Variants in LCORL observed in about 807,000 individuals in gnomAD.
LCORL encodes the protein ligand-dependent nuclear receptor corepressor-like protein.
In LCORL, 41 loss-of-function variants were observed where a neutral mutation model predicts 141.8. The ratio of observed to expected loss-of-function variants is 0.29; its 90% CI spans 0.23 to 0.38. The LOEUF (loss-of-function observed/expected upper bound fraction) is 0.38. Among genes scored for constraint, LCORL ranks in the 10% least tolerant of loss-of-function variants. The pLI, the probability that LCORL is intolerant of heterozygous loss-of-function variation, is 1.00. For synonymous variants in LCORL, 618 were observed against 694.1 expected, an observed-to-expected ratio of 0.89 and a Z score of 1.72; for missense variants, 1,759 against 2,035.0, an observed-to-expected ratio of 0.86 and a Z score of 2.61.
intron 1 of LCORL, among the ~76,000 whole-genome samples, chr4:18,007,995 C>A (rs528933940): frequency 6.6e-6 from 1 of 152,180 alleles, no homozygotes; most frequent in African/African-American, 2.4e-5. Context: ...CAAGAAACTA[C>A]TTTTCCATAC....
intron 7 of LCORL, among the ~76,000 whole-genome samples, chr4:17,855,700 T>C (rs796564816): frequency 3.0e-4 from 46 of 152,324 alleles, no homozygotes; most frequent in African/African-American, 9.4e-4. Context: ...GCTGAGTTAG[T>C]GTGAGGGACA....
chr4:17,932,265 C>T (rs1261687122), intron 4 of LCORL, among the ~76,000 whole-genome samples: 2 of 152,140 alleles, frequency 1.3e-5, no homozygotes, highest in East Asian at 1.9e-4. Flanking sequence ...ACATGTCCTA[C>T]AATGACTCAT....
chr4:17,919,514 G>A (rs568260470), intron 4 of LCORL, among the ~76,000 whole-genome samples: 5 of 152,294 alleles, frequency 3.3e-5, no homozygotes, highest in African/African-American at 9.6e-5. Context: ...GGAAAAAAGT[G>A]AGTATTGCAA....
intron 4 of LCORL, among the ~76,000 whole-genome samples, chr4:17,915,543 T>C (rs1487322398): frequency 6.6e-6 from 1 of 152,188 alleles, no homozygotes; most frequent in Non-Finnish European, 1.5e-5. Context: ...AACCAGGAAG[T>C]GGCCTTTGGG....
rs1270235153 is a variant in LCORL at position 17,875,877 on chromosome 4, T to G, written c.3113A>C (p.His1038Pro). 7.3e-6 allele frequency: 9 copies of G among 1,231,128 alleles called. No homozygotes were observed. The South Asian group carries it at 3.3e-4, about 45-fold the overall frequency. The allele number at this position is 1,231,128 out of a possible 1,614,324, so 76.3% of individuals were successfully genotyped here. ...AGAGGATCCTGCAGTTTCTTTTGCA[T>G]GACTGAATTTGTTTAGTTCTCTTTG... Residue 1038 changes from histidine (H) to proline (P), a missense_variant, in exon 7 of 8, where the codon CAT becomes CCT. This residue lies in a region of LCORL where 1,311 missense variants were observed against 1,531.3 expected (regional missense o/e 0.86). Coordinates refer to ENST00000635767, the Ensembl canonical transcript of LCORL.
intron 7 of LCORL, among the ~76,000 whole-genome samples, chr4:17,864,404 C>T (rs1560265310): frequency 1.3e-5 from 2 of 152,048 alleles, no homozygotes; most frequent in African/African-American, 4.8e-5. Context: ...TTTGTAGAGA[C>T]AGAGTTTCAC....
At chr4:17,878,206 C>T (rs1727115089) in exon 7 of LCORL, 2 of 1,228,954 alleles carry the variant, frequency 1.6e-6, no homozygotes. Flanking sequence ...TTTGCATCAA[C>T]AGTTGAACTA....
chr4:17,931,510 G>GT (rs1303418794), intron 4 of LCORL, among the ~76,000 whole-genome samples: 4 of 151,538 alleles, frequency 2.6e-5, no homozygotes, highest in South Asian at 2.1e-4. Context: ...CTTATATGTA[G>GT]TTTTTTTGTC....
chr4:17,909,401 C>A, intron 4 of LCORL, 56 bp from the exon 5 acceptor site: 2 of 1,272,284 alleles, frequency 1.6e-6, no homozygotes, highest in Non-Finnish European at 2.1e-6. Flanking sequence ...AAATCACCAA[C>A]ATTTAAATTT....
At chr4:17,881,150 T>G in intron 6 of LCORL, 1 of 981,050 alleles carries the variant, frequency 1.0e-6, no homozygotes, top group Non-Finnish European at 1.2e-6. Flanking sequence ...CTGTTTTCTC[T>G]TTTCCTTCTT....
At chr4:18,003,584 C>T (rs1722323787) in intron 1 of LCORL, among the ~76,000 whole-genome samples, 1 of 152,044 alleles carries the variant, frequency 6.6e-6, no homozygotes, top group African/African-American at 2.4e-5. Context: ...GGCAAAATAT[C>T]CTAATATTAG....
rs1714142260 is a variant in LCORL at position 17,962,962 on chromosome 4, A to C, written c.300+8T>G. On this transcript the variant is annotated splice_region_variant and intron_variant, in intron 3 of 7. Coordinates refer to ENST00000635767, the Ensembl canonical transcript of LCORL. The stretch of plus-strand genomic sequence containing the variant: ...GTTTAAAGATAATTTCATAGCACTA[A>C]AACTTACACTGACTGCTTCTCTCTG... The C allele has an allele frequency of 6.6e-7, 1 of 1,514,632 alleles. No homozygotes were observed. The highest frequency in any genetic ancestry group is 8.9e-7 in the Non-Finnish European group (1 of 1,119,876). 93.8% of individuals were successfully genotyped at this position (1,514,632 alleles called of 1,614,324 possible).
chr4:17,918,757 TCCCAAAA>T (rs1733846968), intron 4 of LCORL, among the ~76,000 whole-genome samples: 1 of 152,008 alleles, frequency 6.6e-6, no homozygotes, highest in African/African-American at 2.4e-5. Context: ...CAAAAGGTAT[TCCCAAAA>T]GGAAAGAAGA....
chr4:17,908,996 T>C (rs1026556310), intron 5 of LCORL, 98 bp downstream of exon 5: 1 of 1,120,698 alleles, frequency 8.9e-7, no homozygotes, highest in African/African-American at 1.6e-5. Context: ...TCATATTACA[T>C]CCAAAATAAA....
chr4:17,913,034 G>T (rs1263417103), intron 4 of LCORL: 1 of 239,284 alleles, frequency 4.2e-6, no homozygotes, highest in Admixed American at 4.7e-5. Flanking sequence ...AAGTTCAGGG[G>T]TCAAAAAAAA....
In LCORL at chr4:18,021,833, C is replaced by G. The variant is rs953111427; in HGVS notation, c.-82G>C. ...GGGCGCGAGCCCTCGGCGCGAGCCC[C>G]GGAGCGCGCGCCCCCCGGAGGGGGG... On this transcript the variant is annotated 5_prime_UTR_variant, in exon 1 of 8. Coordinates refer to ENST00000635767, the Ensembl canonical transcript of LCORL. This position sits in a 1 kb window ranked among gnomAD's most constrained non-coding sequence, Gnocchi z 5.5. 2.2e-6 allele frequency: 3 copies of G among 1,388,744 alleles called. No homozygotes were observed. The highest frequency in any genetic ancestry group is 1.6e-5 in the South Asian group (1 of 62,884). The allele number at this position is 1,388,744 out of a possible 1,614,324, so 86.0% of individuals were successfully genotyped here. A position where few individuals can be genotyped will look rare whatever the true frequency, so the allele number is the denominator to read the frequency against.
chr4:17,860,980 G>GC (rs1056553676), intron 7 of LCORL, among the ~76,000 whole-genome samples: 50 of 152,170 alleles, frequency 3.3e-4, no homozygotes, highest in African/African-American at 1.2e-3. Flanking sequence ...GCAGGGTATA[G>GC]CCCCCCTACC....
intron 4 of LCORL, among the ~76,000 whole-genome samples, chr4:17,949,445 A>C (rs1739387355): frequency 6.6e-6 from 1 of 152,080 alleles, no homozygotes; most frequent in African/African-American, 2.4e-5. Flanking sequence ...TTTATTTGCC[A>C]ACCTTGGCCC....
chr4:17,871,896 T>C (rs1350097162), intron 7 of LCORL, among the ~76,000 whole-genome samples: 1 of 152,040 alleles, frequency 6.6e-6, no homozygotes, highest in Non-Finnish European at 1.5e-5. Flanking sequence ...ATGTTAGATA[T>C]TTGAAATTTT....
Sources: allele counts gnomAD v4.1 joint callset (sites outside exome capture counted in the v4.1 genomes callset), GRCh38; gene constraint gnomAD v4.1.1; regional missense constraint gnomAD v4.1.1; non-coding constraint Gnocchi (gnomAD v3.1); transcripts MANE v1.5; gene names NCBI Gene and HGNC (gene_info 2026-07-23, HGNC 2026-07-21).